The following SCD5 variants were observed in gnomAD, a reference collection of about 807,000 sequenced individuals.
The protein encoded by SCD5 is acyl-CoA-desaturase 4.
SCD5 carries 20 observed loss-of-function variants against 30.4 expected under a neutral mutation model. The ratio of observed to expected loss-of-function variants is 0.66; its 90% CI spans 0.46 to 0.96. The LOEUF is 0.96. SCD5 is among the 40% of genes least tolerant of loss of function. SCD5 has a pLI of 0.00. For missense variants in SCD5, 381 were observed against 443.3 expected (o/e 0.86, Z 1.26); for synonymous variants, 173 against 176.4 (o/e 0.98, Z 0.16).
chr4:82,666,501 C>T (rs1222909852), intron 3 of SCD5, among the ~76,000 whole-genome samples: 2 of 148,474 alleles, frequency 1.3e-5, no homozygotes, highest in African/African-American at 5.0e-5. Flanking sequence ...GGAGACAGAG[C>T]GAGACTCCGT....
chr4:82,796,022 G>A (rs1231496097), intron 1 of SCD5, among the ~76,000 whole-genome samples: 2 of 151,904 alleles, frequency 1.3e-5, no homozygotes, highest in African/African-American at 2.4e-5. Context: ...TGTAATTCCA[G>A]CAGTTTAGGA....
intron 3 of SCD5, among the ~76,000 whole-genome samples, chr4:82,650,658 T>C (rs1423525286): frequency 7.4e-6 from 1 of 135,824 alleles, no homozygotes. Context: ...AGTGTGCCAC[T>C]GCACTCCAGC....
chr4:82,766,862 G>T (rs955253876), intron 1 of SCD5, among the ~76,000 whole-genome samples: 2 of 152,106 alleles, frequency 1.3e-5, no homozygotes, highest in Non-Finnish European at 1.5e-5. Context: ...ATTTTTAGTA[G>T]AGATGGCGTT....
chr4:82,686,557 C>T (rs1447718163), intron 2 of SCD5, among the ~76,000 whole-genome samples: 2 of 152,156 alleles, frequency 1.3e-5, no homozygotes, highest in Non-Finnish European at 2.9e-5. Context: ...GCAATAAAAA[C>T]TTGGAAAGAC....
Position 82,662,697 on chromosome 4 carries a change from T to C in SCD5, c.569+18010A>G, listed in dbSNP as rs553805397. 4.8e-4 allele frequency among the ~76,000 whole-genome samples: 73 copies of C among 151,570 alleles called. 1 individual carries two copies. Among genetic ancestry groups the C allele is most frequent in the African/African-American group, 1.7e-3 (70 of 41,328 alleles). On this transcript the variant is annotated intron_variant, in intron 3 of 4. Transcript: ENST00000319540. The stretch of plus-strand genomic sequence containing the variant: ...CAACATGGTGAAACCCTGTCTCTCC[T>C]AAAAATACAAAAATTAGCTGGGCAT...
rs1720985274 is a variant in SCD5 at position 82,746,510 on chromosome 4, GATCA to G, written c.233-41101_233-41098del. Among the ~76,000 whole-genome samples the G allele has an allele frequency of 2.0e-5, 3 of 152,170 alleles. No individual in the cohort carries two copies. The South Asian group carries it at 6.2e-4, about 32-fold the overall frequency. ...GTTAAACCTGAATTTTCTCTCTTCA[GATCA>G]ATCAGGTTCTTGTCTTAATTTCTTG... On this transcript the variant is annotated intron_variant, in intron 1 of 4. Coordinates refer to ENST00000319540, the MANE Select transcript of SCD5 (RefSeq NM_001037582.3).
At chr4:82,728,878 A>G (rs926894876) in intron 1 of SCD5, among the ~76,000 whole-genome samples, 1 of 152,240 alleles carries the variant, frequency 6.6e-6, no homozygotes, top group Non-Finnish European at 1.5e-5. Context: ...TGCAGTGGGC[A>G]GGAAGAACCC....
At chr4:82,743,817 C>T (rs891818813) in intron 1 of SCD5, among the ~76,000 whole-genome samples, 2 of 152,112 alleles carry the variant, frequency 1.3e-5, no homozygotes, top group African/African-American at 2.4e-5. Context: ...CCACACCCGG[C>T]CACTAACTTC....
At chr4:82,754,877 G>A (rs1721199886) in intron 1 of SCD5, among the ~76,000 whole-genome samples, 1 of 152,152 alleles carries the variant, frequency 6.6e-6, no homozygotes, top group Non-Finnish European at 1.5e-5. Context: ...GAAGGCCAGG[G>A]CACAGAGCTG....
At chr4:82,763,516 A>C (rs1391105955) in intron 1 of SCD5, among the ~76,000 whole-genome samples, 1 of 152,224 alleles carries the variant, frequency 6.6e-6, no homozygotes, top group African/African-American at 2.4e-5. Flanking sequence ...GTCTCAAAAA[A>C]AAGTGATTAA....
intron 2 of SCD5, among the ~76,000 whole-genome samples, chr4:82,685,552 A>C (rs536247560): frequency 1.6e-4 from 25 of 152,008 alleles, no homozygotes; most frequent in Non-Finnish European, 3.1e-4. Context: ...ATCTCGACTA[A>C]AAATACAAAA....
At chr4:82,655,316 G>C (rs530359664) in intron 3 of SCD5, among the ~76,000 whole-genome samples, 1 of 152,230 alleles carries the variant, frequency 6.6e-6, no homozygotes, top group Non-Finnish European at 1.5e-5. Flanking sequence ...TATGAACAAA[G>C]CAAGGTGGAA....
intron 1 of SCD5, among the ~76,000 whole-genome samples, chr4:82,733,691 G>T (rs1350076180): frequency 3.9e-5 from 6 of 152,064 alleles, no homozygotes; most frequent in Non-Finnish European, 8.8e-5. Context: ...ATTCACAAGG[G>T]TCCCTGCGCC....
chr4:82,746,142 T>C (rs191210376), intron 1 of SCD5, among the ~76,000 whole-genome samples: 81 of 152,352 alleles, frequency 5.3e-4, no homozygotes, highest in Admixed American at 1.2e-3. Context: ...ACTGAGATCC[T>C]ATGGCAACTG....
At chr4:82,703,583 C>A (rs1719904746) in intron 2 of SCD5, among the ~76,000 whole-genome samples, 1 of 152,058 alleles carries the variant, frequency 6.6e-6, no homozygotes, top group African/African-American at 2.4e-5. Flanking sequence ...TGTACTTTCT[C>A]CCTAAAATAA....
chr4:82,713,247 C>T (rs1488100432), intron 1 of SCD5, among the ~76,000 whole-genome samples: 2 of 152,194 alleles, frequency 1.3e-5, no homozygotes, highest in Non-Finnish European at 2.9e-5. Context: ...CTCAAGTGTC[C>T]TTCCTGCCTT....
At chr4:82,732,373 A>T (rs1164728511) in intron 1 of SCD5, among the ~76,000 whole-genome samples, 1 of 152,252 alleles carries the variant, frequency 6.6e-6, no homozygotes, top group East Asian at 1.9e-4. Context: ...TACAGGCACG[A>T]GCCACCACGC....
At chr4:82,753,995 T>G (rs538377646) in intron 1 of SCD5, among the ~76,000 whole-genome samples, 14 of 152,280 alleles carry the variant, frequency 9.2e-5, no homozygotes, top group African/African-American at 2.4e-4. Context: ...TCAAGTACCC[T>G]GGCTCCTTAG....
chr4:82,762,684 G>A (rs1374069179), intron 1 of SCD5, among the ~76,000 whole-genome samples: 6 of 152,216 alleles, frequency 3.9e-5, no homozygotes, highest in Non-Finnish European at 7.3e-5. Flanking sequence ...CGAGCTGGTG[G>A]GTTTGAGGAA....
Sources: gnomAD v4.1 joint callset for allele counts (sites outside exome capture counted in the v4.1 genomes callset) on GRCh38, gnomAD v4.1.1 for gene constraint, MANE v1.5 for transcripts, NCBI Gene and HGNC (gene_info 2026-07-23, HGNC 2026-07-21) for gene names.